The following PARVA variants were observed in gnomAD, a reference collection of about 807,000 sequenced individuals.
PARVA encodes alpha-parvin.
Under a neutral mutation model 52.6 loss-of-function variants are expected in PARVA, and 25 were observed. The ratio of observed to expected loss-of-function variants is 0.48; its 90% CI spans 0.35 to 0.66. The LOEUF (loss-of-function observed/expected upper bound fraction) is 0.66. Among genes scored for constraint, PARVA ranks in the 30% least tolerant of loss-of-function variants. The pLI is 0.01. For missense variants in PARVA, 373 were observed against 450.9 expected (o/e 0.83, Z 1.56); for synonymous variants, 185 against 179.1 (o/e 1.03, Z -0.26).
chr11:12,504,166 C>T (rs1941397874), intron 5 of PARVA, 148 bp from the exon 6 acceptor site: 4 of 621,876 alleles, frequency 6.4e-6, no homozygotes, highest in Non-Finnish European at 1.2e-5. Flanking sequence ...CCACCTCCAA[C>T]ACCGGGGATT....
chr11:12,396,282 T>G (rs980252536), intron 1 of PARVA, among the ~76,000 whole-genome samples: 3 of 152,268 alleles, frequency 2.0e-5, no homozygotes, highest in African/African-American at 7.2e-5. Flanking sequence ...TCATCAATAA[T>G]AATTATTAAT....
chr11:12,497,699 C>T (rs1239329017), intron 5 of PARVA, among the ~76,000 whole-genome samples: 1 of 152,100 alleles, frequency 6.6e-6, no homozygotes, highest in Non-Finnish European at 1.5e-5. Context: ...GAGGGGAGGC[C>T]GTGCCCTGGG....
chr11:12,475,791 C>T (rs370107141), intron 3 of PARVA, among the ~76,000 whole-genome samples: 7 of 152,236 alleles, frequency 4.6e-5, no homozygotes, highest in African/African-American at 7.2e-5. Flanking sequence ...GGATCACAAC[C>T]GGAGCCTCAC....
intron 1 of PARVA, among the ~76,000 whole-genome samples, chr11:12,415,391 T>A (rs554389285): frequency 1.8e-4 from 28 of 152,312 alleles, no homozygotes; most frequent in Admixed American, 9.8e-4. Context: ...AACCCTGCAT[T>A]TAAGACATAC....
chr11:12,522,192 A>T (rs1320936368), intron 12 of PARVA, among the ~76,000 whole-genome samples: 1 of 152,218 alleles, frequency 6.6e-6, no homozygotes, highest in East Asian at 1.9e-4. Flanking sequence ...CCAGTAGACT[A>T]GCTACATAAA....
At chr11:12,454,168 G>A (rs1326688627) in intron 1 of PARVA, among the ~76,000 whole-genome samples, 3 of 152,248 alleles carry the variant, frequency 2.0e-5, no homozygotes, top group Middle Eastern at 3.4e-3. Context: ...GGAAGTGGGC[G>A]GAGCAGATAT....
intron 1 of PARVA, among the ~76,000 whole-genome samples, chr11:12,388,724 ATG>A (rs1418453503): frequency 6.6e-6 from 1 of 151,774 alleles, no homozygotes; most frequent in Non-Finnish European, 1.5e-5. Context: ...TGAGTATACT[ATG>A]TATGTTGTAA....
At chr11:12,378,005 C>T (rs1219069285) in intron 1 of PARVA, among the ~76,000 whole-genome samples, 3 of 148,578 alleles carry the variant, frequency 2.0e-5, no homozygotes, top group African/African-American at 7.3e-5. Context: ...CCCGCCCGCT[C>T]GCGGTCGCCC....
intron 4 of PARVA, chr11:12,478,219 T>C (rs1941041753): frequency 2.0e-6 from 1 of 504,382 alleles, no homozygotes; most frequent in South Asian, 2.0e-5. Flanking sequence ...AAGACCCCAC[T>C]GTATATTAAT....
At chr11:12,451,597 T>G (rs543384461) in intron 1 of PARVA, among the ~76,000 whole-genome samples, 22 of 152,330 alleles carry the variant, frequency 1.4e-4, no homozygotes, top group African/African-American at 5.1e-4. Flanking sequence ...TAATTGACAT[T>G]ACATGCTTTA....
chr11:12,474,251 A>G (rs1406279693), intron 3 of PARVA, among the ~76,000 whole-genome samples: 5 of 152,148 alleles, frequency 3.3e-5, no homozygotes, highest in Non-Finnish European at 7.3e-5. Flanking sequence ...CCAGGATTCC[A>G]GAGTGCACAA....
chr11:12,493,035 A>G (rs1052220876), intron 4 of PARVA, among the ~76,000 whole-genome samples: 2 of 152,158 alleles, frequency 1.3e-5, no homozygotes, highest in Non-Finnish European at 2.9e-5. Context: ...AAAAATATAT[A>G]TATACTATAA....
chr11:12,488,310 G>C (rs1297411413), intron 4 of PARVA, among the ~76,000 whole-genome samples: 1 of 152,142 alleles, frequency 6.6e-6, no homozygotes, highest in Non-Finnish European at 1.5e-5. Context: ...AATCTTATTG[G>C]TACCTCATGC....
At position 12,477,957 on chromosome 11, in the gene PARVA, A is replaced by G. The variant is rs1397710630; in HGVS notation, c.400+8A>G. 6.8e-7 allele frequency: 1 copy of G among 1,461,746 alleles called. No individual in the cohort carries two copies. 90.5% of individuals were successfully genotyped at this position (1,461,746 alleles called of 1,614,324 possible). ...TCCTGCAGAAGCTTTTCGGTAGGAGAGTTGAGTGCTGCAATGGATGTGTGT... is the reference window on the plus strand; with the variant it reads ...TCCTGCAGAAGCTTTTCGGTAGGAGGGTTGAGTGCTGCAATGGATGTGTGT... On this transcript the variant is annotated splice_region_variant and intron_variant, in intron 4 of 12. Transcript: ENST00000334956.
At chr11:12,520,399 C>G (rs374646458) in intron 12 of PARVA, among the ~76,000 whole-genome samples, 4 of 152,298 alleles carry the variant, frequency 2.6e-5, no homozygotes, top group African/African-American at 9.6e-5. Context: ...TCAAAGGGTG[C>G]CAATGTGGGT....
intron 8 of PARVA, 32 bp downstream of exon 8, chr11:12,511,565 G>A (rs1193544370): frequency 6.2e-7 from 1 of 1,611,152 alleles, no homozygotes; most frequent in Non-Finnish European, 8.5e-7. Context: ...TCTGGCACTG[G>A]TGGCTGCACT....
intron 6 of PARVA, among the ~76,000 whole-genome samples, chr11:12,504,658 G>A (rs760775576): frequency 1.3e-5 from 2 of 152,044 alleles, no homozygotes; most frequent in Non-Finnish European, 2.9e-5. Context: ...AGCTTTGTGT[G>A]GGGTATGTGC....
At chr11:12,468,611 C>G (rs1250818335) in intron 1 of PARVA, among the ~76,000 whole-genome samples, 1 of 152,184 alleles carries the variant, frequency 6.6e-6, no homozygotes, top group East Asian at 1.9e-4. Flanking sequence ...TTGGCTCAAA[C>G]AGTAAGGGAA....
Position 12,524,164 on chromosome 11 carries a change from G to A in PARVA, c.1043-3685G>A, listed in dbSNP as rs550191031. Among the ~76,000 whole-genome samples, 12 of 152,304 alleles carry A rather than the reference G, an allele frequency of 7.9e-5. No individual in the cohort carries two copies. In the East Asian group the frequency reaches 1.2e-3, roughly 15 times the overall value. ...GCATTGTGCAGTGCACAGACTGCAC[G>A]GCTATACATAGCAGCTCTGCTAATG... On this transcript the variant is annotated intron_variant, in intron 12 of 12. Transcript: ENST00000334956.
Sources: allele counts gnomAD v4.1 joint callset (sites outside exome capture counted in the v4.1 genomes callset), GRCh38; gene constraint gnomAD v4.1.1; transcripts MANE v1.5; gene names NCBI Gene and HGNC (gene_info 2026-07-23, HGNC 2026-07-21).